MACROD2: variants seen among roughly 807,000 people sequenced by gnomAD.
The protein encoded by MACROD2 is mono-ADP ribosylhydrolase 2, also known as ADP-ribose glycohydrolase MACROD2.
MACROD2 carries 36 observed loss-of-function variants against 70.4 expected under a neutral mutation model. The ratio of observed to expected loss-of-function variants is 0.51; its 90% CI spans 0.39 to 0.68. The LOEUF (loss-of-function observed/expected upper bound fraction) is 0.68, where lower values mean the gene tolerates loss of function less well. Ranked by LOEUF, MACROD2 falls within the 30% of genes least tolerant of loss-of-function variation. The pLI is 0.00. For missense variants in MACROD2, 496 were observed against 538.4 expected (o/e 0.92, Z 0.78); for synonymous variants, 172 against 178.8 (o/e 0.96, Z 0.30).
At chr20:15,572,840 G>A (rs2048393657) in intron 8 of MACROD2, among the ~76,000 whole-genome samples, 1 of 151,994 alleles carries the variant, frequency 6.6e-6, no homozygotes. Context: ...GAAAGATGTA[G>A]CCCCAGGAGG....
chr20:15,758,605 T>G (rs2051385587), intron 8 of MACROD2, among the ~76,000 whole-genome samples: 1 of 149,046 alleles, frequency 6.7e-6, no homozygotes, highest in African/African-American at 2.5e-5. Flanking sequence ...AGTGGCACAA[T>G]CATAGCTCAC....
At chr20:14,004,631 A>G (rs1601100808) in intron 2 of MACROD2, among the ~76,000 whole-genome samples, 1 of 152,136 alleles carries the variant, frequency 6.6e-6, no homozygotes, top group Admixed American at 6.5e-5. Context: ...AATATTAGTC[A>G]AGAGAGTTTT....
intron 8 of MACROD2, among the ~76,000 whole-genome samples, chr20:15,833,833 C>T (rs2064083984): frequency 6.6e-6 from 1 of 152,152 alleles, no homozygotes; most frequent in African/African-American, 2.4e-5. Flanking sequence ...AAATTCATCT[C>T]ATTAAAAACG....
chr20:15,064,569 G>A (rs408961), intron 5 of MACROD2, among the ~76,000 whole-genome samples: 1 of 151,930 alleles, frequency 6.6e-6, no homozygotes, highest in Admixed American at 6.6e-5. Context: ...AAGTAACTTC[G>A]CATTTTTCAT....
chr20:13,995,613 G>A lies in MACROD2; in HGVS notation c.-151G>A. Reference sequence around the variant, plus strand: ...CTGAGGGAGGAGGGCGGCGACTGGAGAGCGGCGAGCGGCGAGCAGCGCAGG... The same window carrying A: ...CTGAGGGAGGAGGGCGGCGACTGGAAAGCGGCGAGCGGCGAGCAGCGCAGG... On this transcript the variant is annotated 5_prime_UTR_variant, in exon 1 of 18. Coordinates refer to ENST00000684519, the MANE Select transcript of MACROD2 (RefSeq NM_001351661.2). The surrounding 1 kb of genome is among the most constrained non-coding windows in gnomAD (Gnocchi z 4.3). 1 of 758,810 alleles carries A rather than the reference G, an allele frequency of 1.3e-6. No homozygotes were observed. The highest frequency in any genetic ancestry group is 2.3e-6 in the Non-Finnish European group (1 of 431,514). The allele number at this position is 758,810 out of a possible 1,614,324, so 47.0% of individuals were successfully genotyped here.
At chr20:15,400,215 C>A (rs957282840) in intron 6 of MACROD2, among the ~76,000 whole-genome samples, 2 of 152,084 alleles carry the variant, frequency 1.3e-5, no homozygotes, top group Non-Finnish European at 2.9e-5. Context: ...GTAGTGTAGT[C>A]GGTGAGCTTT....
chr20:15,160,908 T>G (rs1345540763), intron 5 of MACROD2, among the ~76,000 whole-genome samples: 1 of 152,090 alleles, frequency 6.6e-6, no homozygotes, highest in East Asian at 1.9e-4. Flanking sequence ...GTAAATTATT[T>G]TGATTATTTT....
rs186568999 is a variant in MACROD2, at chr20:14,757,077, G to A, written c.418+72118G>A. Among the ~76,000 whole-genome samples, 32 of 152,104 alleles carry A rather than the reference G, an allele frequency of 2.1e-4. No individual in the cohort carries two copies. The Middle Eastern group carries it at 0.024, about 113-fold the overall frequency. On this transcript the variant is annotated intron_variant, in intron 5 of 17. Coordinates refer to ENST00000684519, the MANE Select transcript of MACROD2 (RefSeq NM_001351661.2). The stretch of plus-strand genomic sequence containing the variant: ...CAATCTCAGATATTTCTTCATAGCC[G>A]CATGAGAATGGACTAATATAATGTT...
rs558995866 is a variant in MACROD2 at position 15,190,818 on chromosome 20, T to A, written c.419-39122T>A. ...GTTTAGAATTGGCATTTAGGGACCA[T>A]CTCTAGTGGTCTGGTACCTTGCCCT... On this transcript the variant is annotated intron_variant, in intron 5 of 17. Coordinates refer to ENST00000684519, the MANE Select transcript of MACROD2 (RefSeq NM_001351661.2). Among the ~76,000 whole-genome samples the A allele has an allele frequency of 1.4e-4, 22 of 152,138 alleles. No homozygotes were observed. The East Asian group carries it at 4.3e-3, about 30-fold the overall frequency.
intron 7 of MACROD2, among the ~76,000 whole-genome samples, chr20:15,484,453 A>G (rs1023536237): frequency 3.9e-5 from 6 of 152,144 alleles, no homozygotes; most frequent in Non-Finnish European, 8.8e-5. Flanking sequence ...AGAGGGCTAG[A>G]GTAAACTGGA....
intron 4 of MACROD2, among the ~76,000 whole-genome samples, chr20:14,680,862 A>G (rs1445210284): frequency 1.3e-5 from 2 of 152,190 alleles, no homozygotes; most frequent in African/African-American, 4.8e-5. Context: ...TAAGAAGAAG[A>G]ACCAAATGGA....
Position 16,030,687 on chromosome 20 carries a change from A to G in MACROD2, c.1154-10514A>G, listed in dbSNP as rs142448317. Reference sequence around the variant, plus strand: ...CTAAGGAGATAAATGTTCCACTCTTAGAGAAATAAATCAGTTAAGAACAGC... The same window carrying G: ...CTAAGGAGATAAATGTTCCACTCTTGGAGAAATAAATCAGTTAAGAACAGC... On this transcript the variant is annotated intron_variant, in intron 15 of 17. Transcript: ENST00000684519. 1.2e-3 allele frequency among the ~76,000 whole-genome samples: 176 copies of G among 152,352 alleles called. 2 individuals are homozygous for G. Among genetic ancestry groups the G allele is most frequent in the African/African-American group, 3.7e-3 (152 of 41,596 alleles).
intron 5 of MACROD2, among the ~76,000 whole-genome samples, chr20:14,856,828 A>G (rs1433368630): frequency 6.6e-6 from 1 of 152,120 alleles, no homozygotes; most frequent in Non-Finnish European, 1.5e-5. Flanking sequence ...CGCCACCATC[A>G]TCACCACAAT....
chr20:15,403,396 TAGAGAG>T (rs147714991), intron 6 of MACROD2, among the ~76,000 whole-genome samples: 1 of 149,366 alleles, frequency 6.7e-6, no homozygotes, highest in African/African-American at 2.4e-5. Flanking sequence ...GTGTGTTTGT[TAGAGAG>T]AGAGAGAGAG....
chr20:15,076,728 TTTC>T (rs1440382513), intron 5 of MACROD2, among the ~76,000 whole-genome samples: 3 of 152,198 alleles, frequency 2.0e-5, no homozygotes, highest in African/African-American at 7.2e-5. Flanking sequence ...GTCTCTGTTA[TTTC>T]TTCTTTTATT....
rs2081343876 is a variant in MACROD2 at position 14,186,350 on chromosome 20, A to G, written c.271+100622A>G. Among the ~76,000 whole-genome samples, 4 of 152,176 alleles carry G rather than the reference A, an allele frequency of 2.6e-5. 1 individual carries two copies. The highest frequency in any genetic ancestry group is 3.9e-4 in the East Asian group (2 of 5,184). On this transcript the variant is annotated intron_variant, in intron 3 of 17. Transcript: ENST00000684519. ...TACATGTGGCCAAAAAAATAGATGA[A>G]AAAATGCTCAACATCACTAATAATT...
At chr20:15,423,004 C>G (rs917315347) in intron 6 of MACROD2, among the ~76,000 whole-genome samples, 1 of 152,128 alleles carries the variant, frequency 6.6e-6, no homozygotes, top group African/African-American at 2.4e-5. Flanking sequence ...ACTCTTTAAG[C>G]AATTTTATTT....
chr20:15,807,406 G>A lies in MACROD2; in HGVS notation c.646-55339G>A, dbSNP rs142270293. 1.6e-3 allele frequency among the ~76,000 whole-genome samples: 242 copies of A among 152,282 alleles called. 1 individual carries two copies. The highest frequency in any genetic ancestry group is 5.4e-3 in the African/African-American group (224 of 41,560). ...CCATCTTCTGAATTCATTGTGGGTC[G>A]TATTTTGTCACCTTCTTCCTACTTT... On this transcript the variant is annotated intron_variant, in intron 8 of 17. Transcript: ENST00000684519.
chr20:14,884,907 A>G (rs539046471), intron 5 of MACROD2, among the ~76,000 whole-genome samples: 1 of 152,282 alleles, frequency 6.6e-6, no homozygotes, highest in South Asian at 2.1e-4. Flanking sequence ...GTATTTATCA[A>G]GAGCCCATCT....
Sources: allele counts gnomAD v4.1 joint callset (sites outside exome capture counted in the v4.1 genomes callset), GRCh38; gene constraint gnomAD v4.1.1; non-coding constraint Gnocchi (gnomAD v3.1); transcripts MANE v1.5; gene names NCBI Gene and HGNC (gene_info 2026-07-23, HGNC 2026-07-21).